UVRAG: variants seen among roughly 807,000 people sequenced by gnomAD.
UVRAG encodes the protein UV radiation resistance-associated gene protein.
A neutral mutation model predicts 78.0 loss-of-function variants in UVRAG; 19 were observed. That is an observed-to-expected ratio of 0.24 (90% CI 0.17 to 0.36). UVRAG has a LOEUF of 0.36. UVRAG is among the 10% of genes least tolerant of loss of function. The pLI, the probability that UVRAG is intolerant of heterozygous loss-of-function variation, is 1.00. For missense variants in UVRAG, 740 were observed against 853.8 expected (o/e 0.87, Z 1.66); for synonymous variants, 323 against 324.6 (o/e 1.00, Z 0.05).
chr11:76,127,511 T>G (rs911684072), intron 14 of UVRAG, among the ~76,000 whole-genome samples: 1 of 149,416 alleles, frequency 6.7e-6, no homozygotes, highest in African/African-American at 2.5e-5. Context: ...GTTAGCCGGG[T>G]GTGGTGGTAC....
In UVRAG at chr11:75,855,346, T is replaced by A. The variant is rs562207293; in HGVS notation, c.235+3346T>A. Among the ~76,000 whole-genome samples, 240 of 152,364 alleles carry A rather than the reference T, an allele frequency of 1.6e-3. 1 individual carries two copies. The highest frequency in any genetic ancestry group is 2.8e-3 in the Non-Finnish European group (193 of 68,038). Reference sequence around the variant, plus strand: ...TGTTGCTGTTGAATCTGGCACTAGCTGTCAAGCCTCTTGAGGGCATTTACT... The same window carrying A: ...TGTTGCTGTTGAATCTGGCACTAGCAGTCAAGCCTCTTGAGGGCATTTACT... On this transcript the variant is annotated intron_variant, in intron 2 of 14. Transcript: ENST00000356136.
chr11:75,954,147 C>T (rs985654391), intron 6 of UVRAG, among the ~76,000 whole-genome samples: 2 of 152,114 alleles, frequency 1.3e-5, no homozygotes, highest in African/African-American at 2.4e-5. Flanking sequence ...GTGTTATTAG[C>T]TCTGTCTTGA....
chr11:76,013,952 T>C (rs558304758), intron 11 of UVRAG, among the ~76,000 whole-genome samples: 58 of 152,304 alleles, frequency 3.8e-4, no homozygotes, highest in African/African-American at 1.3e-3. Context: ...CCTAGAATTT[T>C]TAATAGGTGG....
At chr11:76,037,662 T>G (rs1950561491) in intron 12 of UVRAG, among the ~76,000 whole-genome samples, 1 of 151,654 alleles carries the variant, frequency 6.6e-6, no homozygotes, top group Non-Finnish European at 1.5e-5. Context: ...CAGTGAGCTG[T>G]GTTCACACCA....
chr11:75,900,365 A>C lies in UVRAG; in HGVS notation c.507+11462A>C, dbSNP rs149143835. Among the ~76,000 whole-genome samples the C allele has an allele frequency of 3.9e-3, 587 of 152,156 alleles. 4 individuals carry two copies. In the Middle Eastern group the frequency reaches 0.041, roughly 11 times the overall value. On this transcript the variant is annotated intron_variant, in intron 5 of 14. Coordinates refer to ENST00000356136, the MANE Select transcript of UVRAG (RefSeq NM_003369.4). ...TTTCAACTGTTGTACAAAGCTGGGA[A>C]TCTTCCCTCATTCTCTTTTTTTCTC...
intron 6 of UVRAG, among the ~76,000 whole-genome samples, chr11:75,959,689 T>G (rs1297913828): frequency 6.6e-6 from 1 of 152,244 alleles, no homozygotes; most frequent in Non-Finnish European, 1.5e-5. Context: ...AACTTTTCCT[T>G]TGCATTCACA....
At chr11:75,961,769 A>G (rs1948916029) in intron 7 of UVRAG, among the ~76,000 whole-genome samples, 1 of 152,186 alleles carries the variant, frequency 6.6e-6, no homozygotes, top group Non-Finnish European at 1.5e-5. Context: ...GAAACTTTAT[A>G]TTACATAAAA....
At chr11:76,017,556 C>G (rs570139777) in intron 12 of UVRAG, among the ~76,000 whole-genome samples, 6 of 151,848 alleles carry the variant, frequency 4.0e-5, no homozygotes, top group Non-Finnish European at 7.4e-5. Context: ...GAAGCACTAA[C>G]AAAACAGAAT....
At chr11:75,885,372 T>C (rs1947053079) in intron 4 of UVRAG, among the ~76,000 whole-genome samples, 1 of 152,246 alleles carries the variant, frequency 6.6e-6, no homozygotes, top group East Asian at 1.9e-4. Context: ...ACCTCTTCAG[T>C]GTTTGGGTAT....
At chr11:76,000,697 T>C (rs767145577) in intron 8 of UVRAG, among the ~76,000 whole-genome samples, 7 of 151,580 alleles carry the variant, frequency 4.6e-5, no homozygotes, top group Non-Finnish European at 8.8e-5. Flanking sequence ...CAAATAACAG[T>C]CAAAAGAAAA....
At chr11:75,912,943 C>G (rs960039515) in intron 6 of UVRAG, among the ~76,000 whole-genome samples, 2 of 152,130 alleles carry the variant, frequency 1.3e-5, no homozygotes, top group African/African-American at 4.8e-5. Context: ...ACTAAAGTAA[C>G]CATATACATT....
intron 13 of UVRAG, among the ~76,000 whole-genome samples, chr11:76,084,159 G>A (rs1951544365): frequency 6.6e-6 from 1 of 152,150 alleles, no homozygotes; most frequent in Non-Finnish European, 1.5e-5. Context: ...TCATCATCAA[G>A]CCCCAGTGGA....
intron 1 of UVRAG, among the ~76,000 whole-genome samples, chr11:75,833,273 C>A (rs951092940): frequency 6.6e-6 from 1 of 152,030 alleles, no homozygotes. Flanking sequence ...CTAAGTTAGG[C>A]AATCTGGAAG....
At chr11:76,040,100 T>C (rs890867357) in intron 12 of UVRAG, among the ~76,000 whole-genome samples, 1 of 152,164 alleles carries the variant, frequency 6.6e-6, no homozygotes, top group African/African-American at 2.4e-5. Flanking sequence ...CATTGCAGTA[T>C]ATTGTAAATC....
At chr11:76,123,066 C>G (rs1270062673) in intron 14 of UVRAG, among the ~76,000 whole-genome samples, 4 of 152,154 alleles carry the variant, frequency 2.6e-5, no homozygotes, top group Non-Finnish European at 5.9e-5. Flanking sequence ...TTATCTGACT[C>G]CTGATCCCAT....
intron 8 of UVRAG, among the ~76,000 whole-genome samples, chr11:75,999,561 A>T (rs1377761052): frequency 6.6e-6 from 1 of 151,906 alleles, no homozygotes; most frequent in South Asian, 2.1e-4. Context: ...TTGTATTTTT[A>T]GTAGAGACGG....
At chr11:76,047,704 T>C (rs1950786969) in intron 12 of UVRAG, among the ~76,000 whole-genome samples, 1 of 152,202 alleles carries the variant, frequency 6.6e-6, no homozygotes, top group Non-Finnish European at 1.5e-5. Flanking sequence ...TTTTCACAGT[T>C]TGAACGTAAT....
chr11:76,111,005 C>T (rs536597801), intron 13 of UVRAG, among the ~76,000 whole-genome samples: 31 of 152,018 alleles, frequency 2.0e-4, no homozygotes, highest in Middle Eastern at 3.4e-3. Context: ...AGGCGCACAC[C>T]ACCACACCTG....
intron 1 of UVRAG, among the ~76,000 whole-genome samples, chr11:75,838,535 T>A (rs1030489876): frequency 2.6e-5 from 4 of 152,022 alleles, no homozygotes; most frequent in Admixed American, 1.3e-4. Flanking sequence ...ACTCTCTCTC[T>A]ATATATAGAG....
Sources: allele counts gnomAD v4.1 joint callset (sites outside exome capture counted in the v4.1 genomes callset), GRCh38; gene constraint gnomAD v4.1.1; transcripts MANE v1.5; gene names NCBI Gene and HGNC (gene_info 2026-07-23, HGNC 2026-07-21).